The following RECQL variants were observed in gnomAD, a reference collection of about 807,000 sequenced individuals.
RECQL encodes ATP-dependent DNA helicase Q1.
A neutral mutation model predicts 75.8 loss-of-function variants in RECQL; 73 were observed. The observed-to-expected ratio is 0.96, with a 90% CI of 0.80 to 1.17. The LOEUF is 1.17. RECQL is among the 50% of genes most tolerant of loss of function. RECQL has a pLI of 0.00. For missense variants in RECQL, 699 were observed against 772.1 expected (o/e 0.91, Z 1.12); for synonymous variants, 248 against 254.4 (o/e 0.97, Z 0.24).
At chr12:21,490,509 T>A (rs565644374) in intron 3 of RECQL, 131 bp from the exon 4 acceptor site, 1 of 586,448 alleles carries the variant, frequency 1.7e-6, no homozygotes, top group African/African-American at 1.9e-5. Flanking sequence ...AGTTTTGAGA[T>A]TAACTCACTA....
intron 5 of RECQL, among the ~76,000 whole-genome samples, chr12:21,484,462 C>T (rs1031364394): frequency 6.6e-6 from 1 of 152,078 alleles, no homozygotes; most frequent in African/African-American, 2.4e-5. Flanking sequence ...TATTAGAAGG[C>T]AGTTTTCTCC....
chr12:21,483,575 C>G lies in RECQL; in HGVS notation c.502-1G>C, dbSNP rs773801667. The stretch of plus-strand genomic sequence containing the variant: ...CAGCATGAACCCATTTAACATGCTC[C>G]TATTAAAAGAAAAAAATAGACACAA... On this transcript the variant is annotated splice_acceptor_variant, in intron 5 of 14. Transcript: ENST00000444129. LOFTEE classifies it high-confidence loss of function. 2 of 1,559,306 alleles carry G rather than the reference C, an allele frequency of 1.3e-6. No individual in the cohort carries two copies. Among genetic ancestry groups the G allele is most frequent in the Admixed American group, 4.4e-5 (2 of 45,176 alleles).
At chr12:21,495,646 A>G (rs1943493761) in intron 2 of RECQL, among the ~76,000 whole-genome samples, 2 of 152,202 alleles carry the variant, frequency 1.3e-5, no homozygotes, top group Non-Finnish European at 2.9e-5. Flanking sequence ...ACTGGACATT[A>G]GCTCTGAACT....
intron 2 of RECQL, among the ~76,000 whole-genome samples, chr12:21,495,543 T>C (rs1448068649): frequency 6.6e-6 from 1 of 151,650 alleles, no homozygotes; most frequent in African/African-American, 2.4e-5. Flanking sequence ...TGGAGTGAGC[T>C]GAGATCACAC....
At chr12:21,471,258 G>C in intron 13 of RECQL, 160 bp from the exon 14 acceptor site, 2 of 988,648 alleles carry the variant, frequency 2.0e-6, no homozygotes, top group Non-Finnish European at 2.8e-6. Context: ...AAATATTTTC[G>C]TTACTTTTTT....
At chr12:21,495,211 G>A (rs1246330884) in intron 2 of RECQL, among the ~76,000 whole-genome samples, 3 of 152,276 alleles carry the variant, frequency 2.0e-5, no homozygotes, top group East Asian at 3.9e-4. Flanking sequence ...GCCTGTTGGG[G>A]AAGGACTCAA....
In RECQL at chr12:21,469,226, T is replaced by G. The variant is rs1489457001; in HGVS notation, c.*968A>C. On this transcript the variant is annotated 3_prime_UTR_variant, in exon 15 of 15. Transcript: ENST00000444129. ...TTATATTGATGACTTACTCCTTTTT[T>G]GTTGAATTGTACTTCTGGTTTTATA... is the stretch of plus-strand genomic sequence containing the variant. 2 of 157,548 alleles carry G rather than the reference T, an allele frequency of 1.3e-5. No homozygotes were observed. The highest frequency in any genetic ancestry group is 2.8e-5 in the Non-Finnish European group (2 of 71,612). The allele number at this position is 157,548 out of a possible 1,614,324, so 9.8% of individuals were successfully genotyped here.
chr12:21,496,452 A>G (rs79686627), intron 2 of RECQL, among the ~76,000 whole-genome samples: 10,490 of 152,280 alleles, frequency 0.069, 424 homozygotes, highest in African/African-American at 0.079. Context: ...CCTCAGAGCT[A>G]TATCTACTCT....
intron 4 of RECQL, among the ~76,000 whole-genome samples, chr12:21,486,811 C>T (rs1367856915): frequency 6.6e-6 from 1 of 151,860 alleles, no homozygotes; most frequent in Non-Finnish European, 1.5e-5. Flanking sequence ...GCTGGGACTA[C>T]AGGCACCTGC....
In RECQL at chr12:21,475,666, T is replaced by A; in HGVS notation, c.1098+10A>T. 6.2e-7 allele frequency: 1 copy of A among 1,613,056 alleles called. No homozygotes were observed. Among genetic ancestry groups the A allele is most frequent in the South Asian group, 1.1e-5 (1 of 91,006 alleles). Reference sequence around the variant, plus strand: ...GTAAATTAGGCTTCTATGGAAGATATAGACCTAACCTGAATTTCATTGGCT... The same window carrying A: ...GTAAATTAGGCTTCTATGGAAGATAAAGACCTAACCTGAATTTCATTGGCT... On this transcript the variant is annotated intron_variant, in intron 9 of 14. Coordinates refer to ENST00000444129, the MANE Select transcript of RECQL (RefSeq NM_002907.4).
chr12:21,497,417 GT>G (rs1190812958), intron 2 of RECQL, among the ~76,000 whole-genome samples: 9 of 152,220 alleles, frequency 5.9e-5, no homozygotes, highest in Non-Finnish European at 1.2e-4. Flanking sequence ...TCTCTCCAGA[GT>G]GATCCTGAAA....
intron 14 of RECQL, 96 bp downstream of exon 14, chr12:21,470,873 G>C: frequency 1.2e-6 from 1 of 868,024 alleles, no homozygotes; most frequent in Non-Finnish European, 1.6e-6. Flanking sequence ...CTTTTCTCAT[G>C]TTCAACTGGA....
chr12:21,485,549 T>TA (rs1005937028), intron 5 of RECQL, among the ~76,000 whole-genome samples: 12 of 151,528 alleles, frequency 7.9e-5, no homozygotes, highest in South Asian at 4.2e-4. Flanking sequence ...TATTTTTTTT[T>TA]AAAAAAAACA....
intron 2 of RECQL, among the ~76,000 whole-genome samples, chr12:21,496,220 G>T: frequency 1.3e-5 from 2 of 152,214 alleles, no homozygotes; most frequent in African/African-American, 4.8e-5. Flanking sequence ...GATTGAGAAT[G>T]GATTATGCCA....
intron 6 of RECQL, 88 bp from the exon 7 acceptor site, chr12:21,478,057 C>T (rs1376599161): frequency 9.0e-6 from 12 of 1,328,292 alleles, no homozygotes; most frequent in Non-Finnish European, 1.2e-5. Context: ...TAATCGATGA[C>T]TACTATGATT....
At chr12:21,471,685 T>G in intron 12 of RECQL, 38 bp from the exon 13 acceptor site, 1 of 1,544,838 alleles carries the variant, frequency 6.5e-7, no homozygotes, top group East Asian at 2.2e-5. Flanking sequence ...TAATTAGGAT[T>G]TAGAAATGAG....
chr12:21,476,898 G>C lies in RECQL; in HGVS notation c.949+13C>G, dbSNP rs759061316. The C allele has an allele frequency of 6.3e-7, 1 of 1,584,576 alleles. No individual in the cohort carries two copies. The highest frequency in any genetic ancestry group is 8.6e-7 in the Non-Finnish European group (1 of 1,162,390). ...TTATCTCTGTCTCCAAAGTTGGTTT[G>C]TTTTTACATTACCTGATTGCCCTTT... On this transcript the variant is annotated intron_variant, in intron 8 of 14. Coordinates refer to ENST00000444129, the MANE Select transcript of RECQL (RefSeq NM_002907.4).
At chr12:21,471,310 C>T in intron 13 of RECQL, 118 bp downstream of exon 13, 2 of 1,022,374 alleles carry the variant, frequency 2.0e-6, no homozygotes, top group Non-Finnish European at 2.8e-6. Context: ...AGGTAAATTA[C>T]TTTCTATAGC....
At chr12:21,479,823 T>C (rs181189949) in intron 6 of RECQL, among the ~76,000 whole-genome samples, 64 of 152,076 alleles carry the variant, frequency 4.2e-4, no homozygotes, top group African/African-American at 1.2e-3. Flanking sequence ...TCAGGATAAA[T>C]CAAAAAGAGT....
Sources: gnomAD v4.1 joint callset for allele counts (sites outside exome capture counted in the v4.1 genomes callset) on GRCh38, gnomAD v4.1.1 for gene constraint, MANE v1.5 for transcripts, NCBI Gene and HGNC (gene_info 2026-07-23, HGNC 2026-07-21) for gene names.